The following S100G variants were observed in gnomAD, a reference collection of about 807,000 sequenced individuals.
S100G encodes the protein protein S100-G.
Under a neutral mutation model 4.4 loss-of-function variants are expected in S100G, and 4 were observed. That is an observed-to-expected ratio of 0.91 (90% CI 0.45 to 2.09). The LOEUF (loss-of-function observed/expected upper bound fraction) is 2.09, where lower values mean the gene tolerates loss of function less well. S100G is among the 30% of genes most tolerant of loss of function. S100G has a pLI of 0.03. For missense variants in S100G, 48 were observed against 49.8 expected (o/e 0.96, Z 0.11); for synonymous variants, 24 against 20.1 (o/e 1.20, Z -0.53).
chrX:16,650,897 G>A, intron 1 of S100G, 102 bp from the exon 2 acceptor site: 1 of 655,508 alleles, frequency 1.5e-6, no homozygotes, highest in Non-Finnish European at 2.4e-6. Flanking sequence ...CCCCATTTAT[G>A]CCAAGGAAAT....
chrX:16,652,653 G>C (rs933447215), intron 2 of S100G, among the ~76,000 whole-genome samples: 8 of 111,958 alleles, frequency 7.1e-5, no homozygotes, highest in African/African-American at 2.6e-4. Context: ...TGTTTCAAAA[G>C]GTAACACGGG....
chrX:16,652,035 T>C, intron 2 of S100G, among the ~76,000 whole-genome samples: 1 of 110,068 alleles, frequency 9.1e-6, no homozygotes. Context: ...GGCCAGTGGA[T>C]GGAAAATTAC....
intron 2 of S100G, 48 bp from the exon 3 acceptor site, chrX:16,654,357 T>C: frequency 3.4e-6 from 3 of 870,213 alleles, no homozygotes; most frequent in Non-Finnish European, 4.9e-6. Context: ...CAGTAACTGA[T>C]TCATTTTTTC....
chrX:16,653,711 G>A (rs377340121), intron 2 of S100G, among the ~76,000 whole-genome samples: 28 of 112,341 alleles, frequency 2.5e-4, no homozygotes, highest in Non-Finnish European at 4.9e-4. Context: ...GTGTGATTCT[G>A]ATGCATGCTA....
rs1932585910 is a variant in S100G, at chrX:16,650,859, A to G, written c.-8-140A>G. 7.9e-6 allele frequency: 4 copies of G among 507,060 alleles called. No homozygotes were observed. The South Asian group carries it at 9.7e-5, about 12-fold the overall frequency. 41.8% of individuals were successfully genotyped at this position (507,060 alleles called of 1,213,427 possible). A position where few individuals can be genotyped will look rare whatever the true frequency, so the allele number is the denominator to read the frequency against. ...GTTAGTAGTTACTGGTGCCATTCCG[A>G]CCCCGACATTCTCTTTTCCTTATTC... On this transcript the variant is annotated intron_variant, in intron 1 of 2. Transcript: ENST00000380200.
chrX:16,653,348 A>G (rs1288307406), intron 2 of S100G, among the ~76,000 whole-genome samples: 1 of 112,048 alleles, frequency 8.9e-6, no homozygotes, highest in African/African-American at 3.2e-5. Flanking sequence ...GTGGTTCTCC[A>G]AGTGTGGTCC....
chrX:16,653,834 C>A (rs969095091), intron 2 of S100G, among the ~76,000 whole-genome samples: 25 of 111,972 alleles, frequency 2.2e-4, no homozygotes, highest in Admixed American at 9.5e-5. Context: ...GACCCCAACC[C>A]CTCTGTTAAC....
At chrX:16,650,474 C>T (rs1932550027) in intron 1 of S100G, among the ~76,000 whole-genome samples, 1 of 106,492 alleles carries the variant, frequency 9.4e-6, no homozygotes, top group Non-Finnish European at 1.9e-5. Context: ...AACAGATGTA[C>T]TCTAAGAACA....
chrX:16,654,471 G>A lies in S100G; in HGVS notation c.202G>A (p.Glu68Lys), dbSNP rs199885083. 2.5e-6 allele frequency: 3 copies of A among 1,197,046 alleles called. No homozygotes were observed. The highest frequency in any genetic ancestry group is 3.5e-5 in the African/African-American group (2 of 56,905). Residue 68 changes from glutamate to lysine, a missense_variant, in exon 3 of 3, where the codon GAA (glutamate) becomes AAA (lysine). Coordinates refer to ENST00000380200, the MANE Select transcript of S100G (RefSeq NM_004057.3). The stretch of plus-strand genomic sequence containing the variant: ...GAATGGAGATGGAGAAGTTAGTTTT[G>A]AAGAATTCCAAGTATTAGTAAAAAA... ...DKNGDGEVSF[E>K]EFQVLVKKIS... is the part of the protein sequence containing the mutation.
At chrX:16,650,820 T>C (rs1932582676) in intron 1 of S100G, among the ~76,000 whole-genome samples, 179 bp from the exon 2 acceptor site, 1 of 110,674 alleles carries the variant, frequency 9.0e-6, no homozygotes, top group Non-Finnish European at 1.9e-5. Context: ...CTAAGATGCT[T>C]ATTTTTTAAA....
chrX:16,654,344 T>G, intron 2 of S100G, 61 bp from the exon 3 acceptor site: 1 of 770,641 alleles, frequency 1.3e-6, no homozygotes, highest in Non-Finnish European at 1.9e-6. Context: ...TGAGAATGTG[T>G]AGCAGTAACT....
At chrX:16,652,522 T>A (rs923538316) in intron 2 of S100G, among the ~76,000 whole-genome samples, 5 of 112,450 alleles carry the variant, frequency 4.4e-5, no homozygotes, top group African/African-American at 1.6e-4. Flanking sequence ...AGGGACTTTT[T>A]AATTAAACAG....
chrX:16,651,626 T>C (rs1226524272), intron 2 of S100G, among the ~76,000 whole-genome samples: 1 of 112,459 alleles, frequency 8.9e-6, no homozygotes, highest in Admixed American at 9.4e-5. Context: ...CACTCATTTA[T>C]ATTTCAAAAG....
At chrX:16,650,398 G>T (rs935864264) in intron 1 of S100G, among the ~76,000 whole-genome samples, 195 bp downstream of exon 1, 1 of 110,997 alleles carries the variant, frequency 9.0e-6, no homozygotes, top group African/African-American at 3.3e-5. Flanking sequence ...TGCAGATCAG[G>T]TACATAAAAA....
At chrX:16,652,023 G>A (rs1399122214) in intron 2 of S100G, among the ~76,000 whole-genome samples, 1 of 109,645 alleles carries the variant, frequency 9.1e-6, no homozygotes, top group East Asian at 2.9e-4. Flanking sequence ...CAGGATGGGG[G>A]GGGCCAGTGG....
intron 2 of S100G, among the ~76,000 whole-genome samples, chrX:16,652,350 A>G (rs2147266014): frequency 8.9e-6 from 1 of 112,123 alleles, no homozygotes; most frequent in Non-Finnish European, 1.9e-5. Flanking sequence ...TTTTAACCAG[A>G]AATGTCCCTT....
chrX:16,653,176 AAGT>A (rs1208806934), intron 2 of S100G, among the ~76,000 whole-genome samples: 4 of 111,095 alleles, frequency 3.6e-5, no homozygotes, highest in Non-Finnish European at 7.5e-5. Context: ...TCGGTTTTCT[AAGT>A]AGTATTTTGC....
intron 2 of S100G, 141 bp downstream of exon 2, chrX:16,651,282 C>G (rs1932617000): frequency 1.9e-6 from 1 of 540,228 alleles, no homozygotes. Flanking sequence ...CCCCTTAAGT[C>G]AGGCCACATT....
chrX:16,651,312 A>C (rs961138692), intron 2 of S100G, among the ~76,000 whole-genome samples, 171 bp downstream of exon 2: 21 of 111,311 alleles, frequency 1.9e-4, no homozygotes, highest in Non-Finnish European at 3.8e-4. Flanking sequence ...AAGCTCTCAG[A>C]AAACAAGGGC....
Sources: allele counts gnomAD v4.1 joint callset (sites outside exome capture counted in the v4.1 genomes callset), GRCh38; gene constraint gnomAD v4.1.1; transcripts MANE v1.5; gene names NCBI Gene and HGNC (gene_info 2026-07-23, HGNC 2026-07-21).